TENM1: variants seen among roughly 807,000 people sequenced by gnomAD.
TENM1 encodes teneurin transmembrane protein 1.
TENM1 carries 35 observed loss-of-function variants against 174.8 expected under a neutral mutation model. That is an observed-to-expected ratio of 0.20 (90% CI 0.15 to 0.27). The LOEUF (loss-of-function observed/expected upper bound fraction) is 0.27. Ranked by LOEUF, TENM1 falls within the 10% of genes least tolerant of loss-of-function variation. The pLI is 1.00. For synonymous variants in TENM1, 781 were observed against 798.7 expected (o/e 0.98, Z 0.37); for missense variants, 1,633 against 2,130.1 (o/e 0.77, Z 4.59).
chrX:124,653,419 A>AT (rs985901218), intron 7 of TENM1, among the ~76,000 whole-genome samples, 165 bp downstream of exon 10: 8 of 111,052 alleles, frequency 7.2e-5, no homozygotes, highest in African/African-American at 2.3e-4. Context: ...TCTCCATGTC[A>AT]TTTTTTTCAT....
intron 5 of TENM1, among the ~76,000 whole-genome samples, chrX:124,689,098 T>C (rs989977781): frequency 1.8e-5 from 2 of 112,003 alleles, no homozygotes; most frequent in Non-Finnish European, 3.8e-5. Flanking sequence ...CCCTTTTGCC[T>C]ATCAAAATGG....
chrX:125,064,275 G>A, the TENM1 span, among the ~76,000 whole-genome samples: 2 of 110,269 alleles, frequency 1.8e-5, no homozygotes, highest in African/African-American at 6.6e-5. Context: ...TAACCTGCAC[G>A]TTGTGCACAT....
At chrX:124,719,754 A>C (rs2053268430) in intron 4 of TENM1, among the ~76,000 whole-genome samples, 2 of 111,844 alleles carry the variant, frequency 1.8e-5, no homozygotes, top group Non-Finnish European at 3.8e-5. Flanking sequence ...GATTTCATGC[A>C]CTCTGCTGAC....
At chrX:124,819,605 C>T (rs988669580) in intron 3 of TENM1, among the ~76,000 whole-genome samples, 2 of 110,637 alleles carry the variant, frequency 1.8e-5, no homozygotes, top group Non-Finnish European at 3.8e-5. Context: ...AGAGAACATA[C>T]GGCGTGAGAG....
chrX:124,483,691 T>C (rs1394245163), intron 21 of TENM1, among the ~76,000 whole-genome samples: 5 of 112,269 alleles, frequency 4.5e-5, no homozygotes, highest in Admixed American at 9.4e-5. Context: ...GTGCATACAA[T>C]GTATCCAAGA....
At chrX:124,494,661 C>T (rs1205722606) in intron 20 of TENM1, among the ~76,000 whole-genome samples, 2 of 107,324 alleles carry the variant, frequency 1.9e-5, no homozygotes, top group Admixed American at 2.0e-4. Flanking sequence ...ATCCCTCCCC[C>T]CTTCCCCCAC....
the TENM1 span, among the ~76,000 whole-genome samples, chrX:125,104,739 T>C: frequency 2.7e-5 from 3 of 109,578 alleles, no homozygotes; most frequent in African/African-American, 9.9e-5. Context: ...ATGAAACAAC[T>C]AGAAAGAAAA....
At chrX:124,445,100 A>G (rs1256928154) in intron 23 of TENM1, among the ~76,000 whole-genome samples, 1 of 111,958 alleles carries the variant, frequency 8.9e-6, no homozygotes, top group Non-Finnish European at 1.9e-5. Context: ...TGAGGATTAA[A>G]TAAGATAACA....
At chrX:124,541,757 G>T (rs1170736009) in intron 15 of TENM1, among the ~76,000 whole-genome samples, 1 of 112,058 alleles carries the variant, frequency 8.9e-6, no homozygotes, top group African/African-American at 3.2e-5. Flanking sequence ...TGGTATCATA[G>T]ATTAAAGGTG....
chrX:124,971,364 G>A, the TENM1 span, among the ~76,000 whole-genome samples: 1 of 111,519 alleles, frequency 9.0e-6, no homozygotes, highest in African/African-American at 3.3e-5. Flanking sequence ...TGTCATTCTG[G>A]TCCATTTCCC....
At chrX:124,438,487 C>T (rs752414477) in intron 23 of TENM1, among the ~76,000 whole-genome samples, 1 of 111,521 alleles carries the variant, frequency 9.0e-6, no homozygotes, top group South Asian at 3.8e-4. Flanking sequence ...AGCCTTGCAT[C>T]TTGTGACTTG....
At chrX:124,467,933 AT>A (rs1464249319) in intron 22 of TENM1, among the ~76,000 whole-genome samples, 1 of 109,383 alleles carries the variant, frequency 9.1e-6, no homozygotes, top group Non-Finnish European at 1.9e-5. Flanking sequence ...TAATTTTTGT[AT>A]TTTTAGTAGA....
chrX:124,683,341 C>G lies in TENM1; in HGVS notation c.1016-11506G>C, dbSNP rs757143254. Among the ~76,000 whole-genome samples, 7 of 111,986 alleles carry G rather than the reference C, an allele frequency of 6.3e-5. No individual in the cohort carries two copies. In the South Asian group the frequency reaches 1.9e-3, roughly 30 times the overall value. ...AGTCTTACTTAAGGCCAAGAGAATA[C>G]GTAATCCATTTCTTCTTTTCAATGA... On this transcript the variant is annotated intron_variant, in intron 5 of 31. Coordinates refer to ENST00000422452, the Ensembl canonical transcript of TENM1.
intron 8 of TENM1, among the ~76,000 whole-genome samples, chrX:124,647,901 C>T (rs1458020315): frequency 1.8e-5 from 2 of 111,670 alleles, no homozygotes; most frequent in Non-Finnish European, 3.8e-5. Context: ...ATCTAAATTA[C>T]CTGCTTCACC....
chrX:124,799,752 T>C (rs1245086556), intron 3 of TENM1, among the ~76,000 whole-genome samples: 1 of 111,567 alleles, frequency 9.0e-6, no homozygotes, highest in Non-Finnish European at 1.9e-5. Flanking sequence ...CATAAGTAGC[T>C]CTTATAATTT....
At chrX:125,158,695 TC>T in the TENM1 span, among the ~76,000 whole-genome samples, 1 of 111,421 alleles carries the variant, frequency 9.0e-6, no homozygotes, top group Non-Finnish European at 1.9e-5. Flanking sequence ...TGGGTTCCAC[TC>T]CCGGAGATGC....
intron 1 of TENM1, among the ~76,000 whole-genome samples, chrX:124,918,793 C>T (rs1468637248): frequency 3.6e-5 from 4 of 111,447 alleles, no homozygotes; most frequent in Admixed American, 2.9e-4. Context: ...ATTCACTTTA[C>T]AGATGAGAGA....
chrX:124,831,974 G>A (rs1190957994), intron 3 of TENM1, among the ~76,000 whole-genome samples: 1 of 111,218 alleles, frequency 9.0e-6, no homozygotes, highest in Non-Finnish European at 1.9e-5. Context: ...GCTGCTCTAG[G>A]GCTTTGCCGA....
chrX:124,846,450 A>G (rs896324843), intron 3 of TENM1, among the ~76,000 whole-genome samples: 1 of 111,268 alleles, frequency 9.0e-6, no homozygotes, highest in African/African-American at 3.3e-5. Flanking sequence ...ATAAGGGTTC[A>G]GCTTCCAAAA....
Sources: allele counts gnomAD v4.1 joint callset (sites outside exome capture counted in the v4.1 genomes callset), GRCh38; gene constraint gnomAD v4.1.1; transcripts MANE v1.5; gene names NCBI Gene and HGNC (gene_info 2026-07-23, HGNC 2026-07-21).